The following LHPP variants were observed in gnomAD, a reference collection of about 807,000 sequenced individuals.
The protein encoded by LHPP is phospholysine phosphohistidine inorganic pyrophosphate phosphatase.
A neutral mutation model predicts 30.3 loss-of-function variants in LHPP; 24 were observed. The ratio of observed to expected loss-of-function variants is 0.79; its 90% CI spans 0.57 to 1.11. LHPP has a LOEUF of 1.11. LHPP is among the 50% of genes most tolerant of loss of function. The pLI, the probability that LHPP is intolerant of heterozygous loss-of-function variation, is 0.00. For missense variants in LHPP, 356 were observed against 367.2 expected (o/e 0.97, Z 0.25); for synonymous variants, 150 against 157.1 (o/e 0.95, Z 0.34).
chr10:124,610,728 G>A (rs376413601), intron 6 of LHPP, among the ~76,000 whole-genome samples: 8 of 95,118 alleles, frequency 8.4e-5, no homozygotes, highest in Admixed American at 1.9e-4. Flanking sequence ...GCGGGCGAGG[G>A]TGAGGGTGAG....
intron 5 of LHPP, among the ~76,000 whole-genome samples, chr10:124,503,715 T>C (rs1173946629): frequency 2.6e-5 from 4 of 151,822 alleles, no homozygotes; most frequent in African/African-American, 9.7e-5. Context: ...TAGCCATGTT[T>C]ATAAATATTA....
At chr10:124,534,874 G>A (rs72837316) in intron 6 of LHPP, among the ~76,000 whole-genome samples, 3,463 of 152,274 alleles carry the variant, frequency 0.023, 83 homozygotes, top group South Asian at 0.11. Context: ...TTCTAGGCCT[G>A]GAAAGGAAAG....
chr10:124,589,214 A>G (rs1948846345), intron 6 of LHPP, among the ~76,000 whole-genome samples: 1 of 152,248 alleles, frequency 6.6e-6, no homozygotes, highest in South Asian at 2.1e-4. Context: ...TGCATAAGGC[A>G]TCTCAGAGCT....
At chr10:124,554,017 G>C in intron 6 of LHPP, 1 of 985,422 alleles carries the variant, frequency 1.0e-6, no homozygotes, top group Non-Finnish European at 1.2e-6. Flanking sequence ...AGTCTTCTTC[G>C]AGAGACTCCA....
chr10:124,489,444 T>C (rs1953445890), intron 3 of LHPP, among the ~76,000 whole-genome samples: 1 of 152,158 alleles, frequency 6.6e-6, no homozygotes. Context: ...ATCTATGGTG[T>C]GGCTATCTTG....
At chr10:124,483,068 G>T (rs1953193261) in intron 1 of LHPP, among the ~76,000 whole-genome samples, 1 of 151,956 alleles carries the variant, frequency 6.6e-6, no homozygotes, top group Non-Finnish European at 1.5e-5. Flanking sequence ...CCCAGGTGCA[G>T]CCTGGATTCG....
chr10:124,536,827 G>C (rs1417545854), intron 6 of LHPP, among the ~76,000 whole-genome samples: 1 of 152,144 alleles, frequency 6.6e-6, no homozygotes, highest in Non-Finnish European at 1.5e-5. Context: ...GGGAGGATTG[G>C]CTAGAACAGT....
chr10:124,495,351 A>T (rs924918370), intron 3 of LHPP, among the ~76,000 whole-genome samples: 1 of 152,024 alleles, frequency 6.6e-6, no homozygotes, highest in African/African-American at 2.4e-5. Context: ...CAACAAACAG[A>T]CTCCAAGCTC....
rs61311987 is a variant in LHPP, at chr10:124,581,192, G to A, written c.717-32072G>A. On this transcript the variant is annotated intron_variant, in intron 6 of 6. Coordinates refer to ENST00000368842, the MANE Select transcript of LHPP (RefSeq NM_022126.4). ...CCTTTTCTGTCTTCTTTTACTCTGC[G>A]TGTTTTCAAGGTTCATCCATGTTGT... Among the ~76,000 whole-genome samples the A allele has an allele frequency of 8.1e-3, 1,230 of 152,070 alleles. 13 individuals carry two copies. Among genetic ancestry groups the A allele is most frequent in the African/African-American group, 0.028 (1,169 of 41,446 alleles).
chr10:124,468,233 CTGAT>C (rs796393579), intron 1 of LHPP, among the ~76,000 whole-genome samples: 10 of 152,288 alleles, frequency 6.6e-5, no homozygotes, highest in African/African-American at 2.4e-4. Flanking sequence ...TGTCTTCTGA[CTGAT>C]TGATTGCCAG....
chr10:124,529,856 C>T (rs1453511994), intron 6 of LHPP, among the ~76,000 whole-genome samples: 1 of 152,206 alleles, frequency 6.6e-6, no homozygotes, highest in Non-Finnish European at 1.5e-5. Flanking sequence ...CCCACGCACT[C>T]TCTTTGCCTG....
chr10:124,533,392 CA>C (rs1954944905), intron 6 of LHPP, among the ~76,000 whole-genome samples: 1 of 152,148 alleles, frequency 6.6e-6, no homozygotes. Context: ...CCATGTCACC[CA>C]AAAGTTTGTG....
At chr10:124,553,183 C>A (rs1354538901) in intron 6 of LHPP, among the ~76,000 whole-genome samples, 1 of 151,862 alleles carries the variant, frequency 6.6e-6, no homozygotes, top group African/African-American at 2.4e-5. Context: ...GAAGCCAGGT[C>A]CCTGTGACTT....
rs200987891 is a variant in LHPP, at chr10:124,530,823, C to T, written c.716+13552C>T. On this transcript the variant is annotated intron_variant, in intron 6 of 6. Coordinates refer to ENST00000368842, the MANE Select transcript of LHPP (RefSeq NM_022126.4). Reference sequence around the variant, plus strand: ...TGGAGAACACCACAGCGCACAGGGCCGAGGGCCACCATCAGAGTCTCCTGC... The same window carrying T: ...TGGAGAACACCACAGCGCACAGGGCTGAGGGCCACCATCAGAGTCTCCTGC... Among the ~76,000 whole-genome samples, 100 of 152,312 alleles carry T rather than the reference C, an allele frequency of 6.6e-4. No homozygotes were observed. The East Asian group carries it at 0.014, about 21-fold the overall frequency.
At chr10:124,539,763 A>T (rs1955136525) in intron 6 of LHPP, among the ~76,000 whole-genome samples, 1 of 141,888 alleles carries the variant, frequency 7.0e-6, no homozygotes, top group South Asian at 2.2e-4. Flanking sequence ...TTAGTCAGGC[A>T]TGGTGGCACA....
At chr10:124,546,210 G>GT (rs1024337252) in intron 6 of LHPP, 1 of 152,434 alleles carries the variant, frequency 6.6e-6, no homozygotes, top group South Asian at 2.1e-4. Flanking sequence ...TAGGAGGGTT[G>GT]TTGGCACCTG....
At chr10:124,471,428 ATT>A (rs1952734279) in intron 1 of LHPP, among the ~76,000 whole-genome samples, 2 of 11,930 alleles carry the variant, frequency 1.7e-4, no homozygotes, top group Non-Finnish European at 4.1e-4. Flanking sequence ...TTATATATAT[ATT>A]TATATATTAT....
chr10:124,481,198 T>C (rs1953115542), intron 1 of LHPP, among the ~76,000 whole-genome samples: 2 of 148,076 alleles, frequency 1.4e-5, no homozygotes, highest in Admixed American at 6.8e-5. Flanking sequence ...CACTGGTTAG[T>C]GTTACAAACA....
At chr10:124,568,032 C>T (rs1268378983) in intron 6 of LHPP, among the ~76,000 whole-genome samples, 2 of 152,350 alleles carry the variant, frequency 1.3e-5, no homozygotes, top group African/African-American at 2.4e-5. Context: ...CCTGCCTCAG[C>T]CTCCTTAGTA....
Sources: allele counts gnomAD v4.1 joint callset (sites outside exome capture counted in the v4.1 genomes callset), GRCh38; gene constraint gnomAD v4.1.1; transcripts MANE v1.5; gene names NCBI Gene and HGNC (gene_info 2026-07-23, HGNC 2026-07-21).